The following SLC6A11 variants were observed in gnomAD, a reference collection of about 807,000 sequenced individuals.
SLC6A11 encodes solute carrier family 6 member 11, also known as sodium- and chloride-dependent GABA transporter 3.
In SLC6A11, 25 loss-of-function variants were observed where a neutral mutation model predicts 74.8. That is an observed-to-expected ratio of 0.33 (90% CI 0.24 to 0.47). SLC6A11 has a LOEUF of 0.47. Ranked by LOEUF, SLC6A11 falls within the 20% of genes least tolerant of loss-of-function variation. The pLI is 1.00. For missense variants in SLC6A11, 574 were observed against 837.0 expected (o/e 0.69, Z 3.88); for synonymous variants, 330 against 330.2 (o/e 1.00, Z 0.01).
At chr3:10,857,474 G>A (rs973685987) in intron 5 of SLC6A11, among the ~76,000 whole-genome samples, 1 of 152,164 alleles carries the variant, frequency 6.6e-6, no homozygotes, top group Non-Finnish European at 1.5e-5. Flanking sequence ...TCTGTGCTGG[G>A]TAGCAGCTGT....
At chr3:10,905,708 T>C (rs1052685462) in intron 6 of SLC6A11, among the ~76,000 whole-genome samples, 5 of 152,136 alleles carry the variant, frequency 3.3e-5, no homozygotes, top group Non-Finnish European at 5.9e-5. Flanking sequence ...GAAACAAACA[T>C]ATATCAGTTA....
intron 6 of SLC6A11, among the ~76,000 whole-genome samples, chr3:10,909,315 A>C (rs1360680513): frequency 6.6e-6 from 1 of 152,158 alleles, no homozygotes; most frequent in South Asian, 2.1e-4. Context: ...ATGGATGCTA[A>C]GTAGGCAAAA....
At chr3:10,876,028 C>G (rs1207575291) in intron 6 of SLC6A11, among the ~76,000 whole-genome samples, 3 of 152,222 alleles carry the variant, frequency 2.0e-5, no homozygotes, top group Non-Finnish European at 2.9e-5. Context: ...TGTTAAAACA[C>G]AGAACACATG....
At chr3:10,855,480 G>C (rs1208507386) in intron 5 of SLC6A11, among the ~76,000 whole-genome samples, 2 of 152,130 alleles carry the variant, frequency 1.3e-5, no homozygotes, top group African/African-American at 4.8e-5. Context: ...CTTCTTGGCT[G>C]TCTCCTCACT....
At chr3:10,830,094 G>C (rs1178425013) in intron 4 of SLC6A11, among the ~76,000 whole-genome samples, 2 of 152,132 alleles carry the variant, frequency 1.3e-5, no homozygotes, top group Non-Finnish European at 2.9e-5. Context: ...TGAATTACGA[G>C]GTAACAGATA....
chr3:10,875,094 A>C lies in SLC6A11; in HGVS notation c.890A>C (p.Gln297Pro). 1 of 1,605,070 alleles carries C rather than the reference A, an allele frequency of 6.2e-7. No homozygotes were observed. ...YPDLSRLSDP[Q>P]VWVDAGTQIF... ...GACCTCTCCCGGCTCTCCGACCCCC[A>C]GGTAAGAGTCGCTTGCTCAATGTGC... Residue 297 changes from glutamine (Q) to proline (P), a missense_variant and splice_region_variant, in exon 6 of 14, where the codon CAG becomes CCG. Gln to Pro is a moderately conservative substitution (Grantham distance 76). Around this residue, in one of 4 missense-constraint regions of SLC6A11, gnomAD observed 215 missense variants for 357.9 expected, o/e 0.60. Transcript: ENST00000254488.
chr3:10,884,384 G>A lies in SLC6A11; in HGVS notation c.891+9289G>A, dbSNP rs182301867. ...GAAAATTATTATATTTTAGACATAG[G>A]AGCTAAATGCTATATATAGGTAAAA... On this transcript the variant is annotated intron_variant, in intron 6 of 13. Coordinates refer to ENST00000254488, the MANE Select transcript of SLC6A11 (RefSeq NM_014229.3). Among the ~76,000 whole-genome samples the A allele has an allele frequency of 2.8e-3, 419 of 152,312 alleles. 11 individuals are homozygous for A. Among genetic ancestry groups the A allele is most frequent in the South Asian group, 1.9e-3 (9 of 4,824 alleles).
chr3:10,833,472 G>T (rs1423544735), intron 4 of SLC6A11, among the ~76,000 whole-genome samples: 7 of 152,156 alleles, frequency 4.6e-5, no homozygotes, highest in Non-Finnish European at 1.0e-4. Context: ...TTCCCAGATG[G>T]ACCAGTTAAT....
At chr3:10,840,161 G>GTCTGGCCCCTCAGCAAGGCTCACAA (rs2106582970) in intron 4 of SLC6A11, among the ~76,000 whole-genome samples, 1 of 152,248 alleles carries the variant, frequency 6.6e-6, no homozygotes, top group South Asian at 2.1e-4. Context: ...AAGGCTCACA[G>GTCTGGCCCCTCAGCAAGGCTCACAA]TCTAGCCCCT....
intron 5 of SLC6A11, among the ~76,000 whole-genome samples, chr3:10,864,007 T>C (rs1259006798): frequency 6.6e-6 from 1 of 152,128 alleles, no homozygotes; most frequent in African/African-American, 2.4e-5. Flanking sequence ...TTCTGTCTTC[T>C]AGAATTGGAT....
At chr3:10,909,612 C>T (rs529365443) in intron 6 of SLC6A11, among the ~76,000 whole-genome samples, 15 of 152,318 alleles carry the variant, frequency 9.8e-5, no homozygotes, top group African/African-American at 3.6e-4. Flanking sequence ...GAAAGAGGGA[C>T]ACCTGGTTTG....
chr3:10,904,056 T>C (rs1387922930), intron 6 of SLC6A11, among the ~76,000 whole-genome samples: 1 of 152,264 alleles, frequency 6.6e-6, no homozygotes, highest in Non-Finnish European at 1.5e-5. Context: ...CTCAGGGCAG[T>C]GTGTGGAACA....
intron 5 of SLC6A11, among the ~76,000 whole-genome samples, chr3:10,870,021 C>T (rs1447120858): frequency 6.6e-6 from 1 of 152,134 alleles, no homozygotes; most frequent in African/African-American, 2.4e-5. Context: ...AGGGGGCAGA[C>T]AATACCCTCT....
chr3:10,935,369 T>G, intron 13 of SLC6A11, 170 bp downstream of exon 13: 1 of 617,276 alleles, frequency 1.6e-6, no homozygotes, highest in Non-Finnish European at 2.8e-6. Context: ...GCCCAAGGTG[T>G]CTCTGTGAAG....
Position 10,875,042 on chromosome 3 carries a change from G to C in SLC6A11, c.838G>C (p.Glu280Gln). 6.2e-7 allele frequency: 1 copy of C among 1,613,748 alleles called. No homozygotes were observed. Among genetic ancestry groups the C allele is most frequent in the Non-Finnish European group, 8.5e-7 (1 of 1,179,820 alleles). Residue 280 changes from glutamate (E) to glutamine (Q), a missense_variant, in exon 6 of 14, where the codon GAG becomes CAG. By Grantham distance (29) the Glu-to-Gln change is conservative. Coordinates refer to ENST00000254488, the MANE Select transcript of SLC6A11 (RefSeq NM_014229.3). ...IRGVTLPGAS[E>Q]GIKFYLYPDL... is the part of the protein sequence containing the mutation. ...AGGGGTCACGTTGCCCGGGGCCTCA[G>C]AGGGCATCAAGTTCTACTTGTACCC...
chr3:10,864,178 T>C (rs950834438), intron 5 of SLC6A11, among the ~76,000 whole-genome samples: 38 of 152,100 alleles, frequency 2.5e-4, no homozygotes, highest in Middle Eastern at 3.4e-3. Context: ...AGTCTTGGAC[T>C]CTCAGGACTG....
chr3:10,908,013 C>G (rs1695333170), intron 6 of SLC6A11, among the ~76,000 whole-genome samples: 1 of 152,146 alleles, frequency 6.6e-6, no homozygotes, highest in African/African-American at 2.4e-5. Context: ...TGCCTGTAGT[C>G]ACAGCTACTC....
chr3:10,833,080 A>G (rs71316434), intron 4 of SLC6A11, among the ~76,000 whole-genome samples: 5 of 152,054 alleles, frequency 3.3e-5, no homozygotes, highest in Non-Finnish European at 5.9e-5. Context: ...TTTCTTTTTG[A>G]GACAGAGTTT....
chr3:10,913,071 T>TA (rs55766131), intron 7 of SLC6A11, among the ~76,000 whole-genome samples: 5 of 150,710 alleles, frequency 3.3e-5, no homozygotes, highest in African/African-American at 9.7e-5. Flanking sequence ...TTTTTTTTTT[T>TA]AACAAATGGT....
Sources: gnomAD v4.1 joint callset for allele counts (sites outside exome capture counted in the v4.1 genomes callset) on GRCh38, gnomAD v4.1.1 for gene constraint, gnomAD v4.1.1 regional missense constraint, MANE v1.5 for transcripts, NCBI Gene and HGNC (gene_info 2026-07-23, HGNC 2026-07-21) for gene names.